The following VWA2 variants were observed in gnomAD, a reference collection of about 807,000 sequenced individuals.
The protein encoded by VWA2 is von Willebrand factor A domain-containing protein 2.
Under a neutral mutation model 70.4 loss-of-function variants are expected in VWA2, and 73 were observed. The observed-to-expected ratio is 1.04, with a 90% CI of 0.86 to 1.26. The LOEUF (loss-of-function observed/expected upper bound fraction) is 1.26. VWA2 is among the 50% of genes most tolerant of loss of function. VWA2 has a pLI of 0.00. For synonymous variants in VWA2, 407 were observed against 423.3 expected (o/e 0.96, Z 0.47); for missense variants, 1,011 against 998.5 (o/e 1.01, Z -0.17).
chr10:114,255,897 C>T lies in VWA2; in HGVS notation c.261+849C>T, dbSNP rs189301760. 6.6e-5 allele frequency among the ~76,000 whole-genome samples: 10 copies of T among 152,188 alleles called. No individual in the cohort carries two copies. The East Asian group carries it at 1.7e-3, about 26-fold the overall frequency. ...ACCTCACTCACTCAGAGTCAGCAAA[C>T]CCTATGCCTAATATACAGTTTTTCA... is the stretch of plus-strand genomic sequence containing the variant. On this transcript the variant is annotated intron_variant, in intron 4 of 13. Coordinates refer to ENST00000392982, the MANE Select transcript of VWA2 (RefSeq NM_001272046.2).
intron 13 of VWA2, 117 bp from the exon 14 acceptor site, chr10:114,291,101 T>A: frequency 8.3e-7 from 1 of 1,211,892 alleles, no homozygotes; most frequent in East Asian, 2.6e-5. Flanking sequence ...CATCTTCTGC[T>A]GGGGGCGAGG....
At chr10:114,254,526 A>G (rs2037277788) in intron 3 of VWA2, among the ~76,000 whole-genome samples, 1 of 152,028 alleles carries the variant, frequency 6.6e-6, no homozygotes, top group African/African-American at 2.4e-5. Context: ...TGCTGCTGTT[A>G]CTGCTACTGA....
intron 6 of VWA2, among the ~76,000 whole-genome samples, chr10:114,275,616 G>A (rs867997238): frequency 6.6e-6 from 1 of 152,128 alleles, no homozygotes; most frequent in Non-Finnish European, 1.5e-5. Flanking sequence ...ACCATGGACT[G>A]ATAACTTTTT....
At chr10:114,276,167 G>A (rs2037837269) in intron 6 of VWA2, among the ~76,000 whole-genome samples, 1 of 152,130 alleles carries the variant, frequency 6.6e-6, no homozygotes, top group Non-Finnish European at 1.5e-5. Context: ...CCATTCCTTG[G>A]GAGGGGGATG....
intron 8 of VWA2, chr10:114,281,796 G>A (rs1053887801): frequency 2.0e-5 from 19 of 970,514 alleles, no homozygotes; most frequent in Non-Finnish European, 2.2e-5. Context: ...GTTGAAAAGT[G>A]AAGATAGAAT....
At chr10:114,244,564 G>C (rs1030924841) in intron 1 of VWA2, among the ~76,000 whole-genome samples, 5 of 152,208 alleles carry the variant, frequency 3.3e-5, no homozygotes, top group African/African-American at 4.8e-5. Context: ...TGTGTGTCTT[G>C]TGGCAGGCAC....
At chr10:114,275,025 G>A (rs1246918722) in intron 6 of VWA2, among the ~76,000 whole-genome samples, 6 of 152,198 alleles carry the variant, frequency 3.9e-5, no homozygotes, top group African/African-American at 1.4e-4. Context: ...GAGCCGAGCA[G>A]ACAGTTGGGT....
chr10:114,247,678 A>C lies in VWA2; in HGVS notation c.-10-1026A>C, dbSNP rs183356277. Among the ~76,000 whole-genome samples, 41 of 151,866 alleles carry C rather than the reference A, an allele frequency of 2.7e-4. No homozygotes were observed. The East Asian group carries it at 5.7e-3, about 21-fold the overall frequency. Reference sequence around the variant, plus strand: ...ATAACTATGTCAAAAAAAAAAACAAAACGGAGCTGGATGTATCTTGAGGTC... The same window carrying C: ...ATAACTATGTCAAAAAAAAAAACAACACGGAGCTGGATGTATCTTGAGGTC... On this transcript the variant is annotated intron_variant, in intron 1 of 13. Coordinates refer to ENST00000392982, the MANE Select transcript of VWA2 (RefSeq NM_001272046.2).
At chr10:114,252,556 C>T (rs1055507947) in intron 2 of VWA2, among the ~76,000 whole-genome samples, 1 of 152,044 alleles carries the variant, frequency 6.6e-6, no homozygotes, top group African/African-American at 2.4e-5. Flanking sequence ...CCTCTTTTGG[C>T]GTCTCTCTTG....
chr10:114,284,995 A>G (rs1456993095), intron 10 of VWA2, 25 bp downstream of exon 10: 7 of 1,539,214 alleles, frequency 4.5e-6, no homozygotes, highest in Non-Finnish European at 5.2e-6. Flanking sequence ...GCCCTGCAAG[A>G]CTGACCACTG....
rs990604166 is a variant in VWA2 at position 114,292,709 on chromosome 10, T to A, written c.*1472T>A. Among the ~76,000 whole-genome samples, 2 of 151,742 alleles carry A rather than the reference T, an allele frequency of 1.3e-5. No homozygotes were observed. The highest frequency in any genetic ancestry group is 4.8e-5 in the African/African-American group (2 of 41,292). On this transcript the variant is annotated 3_prime_UTR_variant, in exon 14 of 14. Transcript: ENST00000392982. Reference sequence around the variant, plus strand: ...TGATGTGACTCCAGACACTTTATCGTTTTTCTTTTTTTTGAGACGGAGTTT... The same window carrying A: ...TGATGTGACTCCAGACACTTTATCGATTTTCTTTTTTTTGAGACGGAGTTT...
intron 2 of VWA2, 59 bp downstream of exon 2, chr10:114,248,824 G>A: frequency 1.3e-6 from 2 of 1,495,768 alleles, no homozygotes; most frequent in Middle Eastern, 3.4e-4. Flanking sequence ...GGGGTTGCTT[G>A]CTTCAAATCC....
intron 8 of VWA2, chr10:114,280,915 T>C (rs2038059955): frequency 6.6e-6 from 1 of 151,488 alleles, no homozygotes. Flanking sequence ...ATTTTTAAGA[T>C]TTTTTTTTAT....
At chr10:114,289,827 C>T (rs559399071) in intron 12 of VWA2, 36 of 377,514 alleles carry the variant, frequency 9.5e-5, no homozygotes, top group Non-Finnish European at 1.7e-4. Flanking sequence ...TGGGCAGTGA[C>T]AGAGCCCAGA....
intron 5 of VWA2, among the ~76,000 whole-genome samples, chr10:114,269,714 C>CA (rs1410065463): frequency 1.3e-5 from 2 of 152,180 alleles, no homozygotes; most frequent in African/African-American, 2.4e-5. Flanking sequence ...GTATGGGGAA[C>CA]AAGCACTTTT....
intron 8 of VWA2, among the ~76,000 whole-genome samples, chr10:114,280,269 C>T (rs1186671603): frequency 6.6e-6 from 1 of 152,186 alleles, no homozygotes; most frequent in Non-Finnish European, 1.5e-5. Context: ...TGGCACTCAC[C>T]CAGGTCCTGG....
intron 2 of VWA2, among the ~76,000 whole-genome samples, chr10:114,249,665 G>C (rs182479617): frequency 6.6e-6 from 1 of 152,308 alleles, no homozygotes; most frequent in African/African-American, 2.4e-5. Context: ...CAAAGGACGT[G>C]ATCTTGTTCC....
At chr10:114,248,679 T>A in intron 1 of VWA2, 25 bp from the exon 2 acceptor site, 2 of 1,603,218 alleles carry the variant, frequency 1.2e-6, no homozygotes, top group African/African-American at 1.3e-5. Context: ...GCTGATACTT[T>A]CTTTCTTTTC....
intron 2 of VWA2, among the ~76,000 whole-genome samples, chr10:114,253,351 C>T (rs1479685490): frequency 1.5e-5 from 1 of 65,172 alleles, no homozygotes; most frequent in African/African-American, 6.9e-5. Flanking sequence ...CCGCTTATTA[C>T]ACCTGACCAG....
Sources: gnomAD v4.1 joint callset for allele counts (sites outside exome capture counted in the v4.1 genomes callset) on GRCh38, gnomAD v4.1.1 for gene constraint, MANE v1.5 for transcripts, NCBI Gene and HGNC (gene_info 2026-07-23, HGNC 2026-07-21) for gene names.